The following KCP variants were observed in gnomAD, a reference collection of about 807,000 sequenced individuals.
KCP encodes the protein kielin cysteine rich BMP regulator.
Under a neutral mutation model 212.7 loss-of-function variants are expected in KCP, and 194 were observed. The observed-to-expected ratio is 0.91, with a 90% confidence interval of 0.81 to 1.03. KCP has a LOEUF of 1.03. Among genes scored for constraint, KCP ranks in the 50% least tolerant of loss-of-function variants. KCP has a pLI of 0.00. For synonymous variants in KCP, 833 were observed against 865.3 expected (o/e 0.96, Z 0.65); for missense variants, 2,080 against 2,162.5 (o/e 0.96, Z 0.76).
chr7:128,880,880 C>G (rs1233308694), intron 32 of KCP, 117 bp downstream of exon 32: 2 of 400,002 alleles, frequency 5.0e-6, no homozygotes, highest in Non-Finnish European at 8.8e-6. Flanking sequence ...GCTCCATGCC[C>G]CGGTGCAGGG....
In KCP at chr7:128,890,340, C is replaced by T. The variant is rs1176786369; in HGVS notation, c.2335+3G>A. 6 of 1,551,420 alleles carry T rather than the reference C, an allele frequency of 3.9e-6. No individual in the cohort carries two copies. The African/African-American group carries it at 5.5e-5, about 14-fold the overall frequency. On this transcript the variant is annotated splice_donor_region_variant and intron_variant, in intron 21 of 39. Coordinates refer to ENST00000610776, the MANE Select transcript of KCP (RefSeq NM_001366122.1). ...CGGCAGCTCCCTATCCCATGACCCT[C>T]ACCATCACAGTCAGGGCAGCAGTCG...
intron 8 of KCP, among the ~76,000 whole-genome samples, chr7:128,900,437 T>C (rs1477421888): frequency 1.3e-5 from 2 of 152,104 alleles, no homozygotes; most frequent in Non-Finnish European, 2.9e-5. Flanking sequence ...AAATCTGGAG[T>C]CAATATTCTA....
intron 27 of KCP, 24 bp downstream of exon 27, chr7:128,885,073 C>G (rs1185867025): frequency 6.5e-7 from 1 of 1,550,368 alleles, no homozygotes; most frequent in Non-Finnish European, 8.7e-7. Context: ...TCGCCTTTCC[C>G]CTCCCGCCCC....
chr7:128,892,662 G>A (rs1222170970), intron 15 of KCP, 26 bp downstream of exon 15: 1 of 1,551,092 alleles, frequency 6.4e-7, no homozygotes, highest in South Asian at 1.2e-5. Context: ...GGGCTCAGCA[G>A]GGCAGCAGCA....
Position 128,882,008 on chromosome 7 carries a change from T to C in KCP, c.3253A>G (p.Ser1085Gly). The stretch of plus-strand genomic sequence containing the variant: ...CCCAGCAGGCCCTCTGAACAGTTAC[T>C]CAAGGCCTCTGTGAAGACAAGAATC... ...HCCPTCAEAL[S>G]NCSEGLLGSE... The change falls in exon 30 of 40, where the codon AGT becomes GGT. Residue 1085 changes from serine to glycine, a missense_variant. Coordinates refer to ENST00000610776, the MANE Select transcript of KCP (RefSeq NM_001366122.1). 1 of 1,551,004 alleles carries C rather than the reference T, an allele frequency of 6.4e-7. No individual in the cohort carries two copies. The highest frequency in any genetic ancestry group is 8.7e-7 in the Non-Finnish European group (1 of 1,146,828).
rs567990289 is a variant in KCP, at chr7:128,892,123, G to A, written c.1622-304C>T. On this transcript the variant is annotated intron_variant, in intron 16 of 39. Coordinates refer to ENST00000610776, the MANE Select transcript of KCP (RefSeq NM_001366122.1). Reference sequence around the variant, plus strand: ...TCACACAGACTCTCTATGCGGGCAGGGACGTGTCCCATGCATCCCAGCACC... The same window carrying A: ...TCACACAGACTCTCTATGCGGGCAGAGACGTGTCCCATGCATCCCAGCACC... Among the ~76,000 whole-genome samples, 350 of 152,220 alleles carry A rather than the reference G, an allele frequency of 2.3e-3. 4 individuals are homozygous for A. Among genetic ancestry groups the A allele is most frequent in the Non-Finnish European group, 5.1e-4 (35 of 67,982 alleles).
Position 128,902,785 on chromosome 7 carries a change from G to T in KCP, c.823C>A (p.Arg275=), listed in dbSNP as rs75750404. ...GCAGCCTCAGGACTCACCAGGCACC[G>T]GCAGATTCGGCAGGGGTCCCCAGGT... ...TTPGDPCRIC[R]CLEGHIQCRQ... The change falls in exon 8 of 40, where the codon CGG becomes AGG. Residue 275 remains arginine (R), a synonymous_variant. Coordinates refer to ENST00000610776, the MANE Select transcript of KCP (RefSeq NM_001366122.1). 3 of 1,551,366 alleles carry T rather than the reference G, an allele frequency of 1.9e-6. No individual in the cohort carries two copies. The highest frequency in any genetic ancestry group is 2.7e-5 in the African/African-American group (2 of 73,036).
In KCP at chr7:128,884,831, C is replaced by G; in HGVS notation, c.3073G>C (p.Gly1025Arg). ...CEHEGRKYEP[G>R]ESFQPGADPC... ...TCTGCCCCAGGCTGGAAGCTCTCCC[C>G]AGGCTCGTACTTCCGGCCCTCATGC... is the stretch of plus-strand genomic sequence containing the variant. The change falls in exon 28 of 40, where the codon GGG (glycine) becomes CGG (arginine). Residue 1025 changes from glycine to arginine, a missense_variant. Transcript: ENST00000610776. 6.4e-7 allele frequency: 1 copy of G among 1,551,060 alleles called. No homozygotes were observed. The highest frequency in any genetic ancestry group is 8.7e-7 in the Non-Finnish European group (1 of 1,146,984).
At chr7:128,910,300 TC>T (rs1418145509) in intron 1 of KCP, among the ~76,000 whole-genome samples, 2 of 151,810 alleles carry the variant, frequency 1.3e-5, no homozygotes, top group African/African-American at 2.4e-5. Flanking sequence ...GCCCCTTTTC[TC>T]CCCCTCCTTC....
chr7:128,909,861 A>G (rs1795338068), intron 1 of KCP, among the ~76,000 whole-genome samples: 2 of 152,076 alleles, frequency 1.3e-5, no homozygotes, highest in African/African-American at 2.4e-5. Flanking sequence ...CCGTCCCTCT[A>G]CTGGGGATCC....
Position 128,891,220 on chromosome 7 carries a change from A to G in KCP, c.1937T>C (p.Val646Ala), listed in dbSNP as rs1164946710. The G allele has an allele frequency of 6.5e-7, 1 of 1,545,748 alleles. No individual in the cohort carries two copies. Among genetic ancestry groups the G allele is most frequent in the Non-Finnish European group, 8.7e-7 (1 of 1,146,600 alleles). The change falls in exon 19 of 40, where the codon GTC becomes GCC. Residue 646 changes from valine to alanine, a missense_variant. Physicochemically the swap from Val to Ala is moderately conservative, Grantham distance 64. Transcript: ENST00000610776. Reference protein sequence around the residue: ...RCVPLPCPEPVLLPGECCPQC... With the variant: ...RCVPLPCPEPALLPGECCPQC... The stretch of plus-strand genomic sequence containing the variant: ...CGGGCAGCACTCTCCCGGCAGCAGG[A>G]CAGGCTCTGGACAGGGCAGCGGCAC...
rs1793136297 is a variant in KCP, at chr7:128,878,674, A to G, written c.4195T>C (p.Tyr1399His). The G allele has an allele frequency of 3.2e-6, 5 of 1,551,004 alleles. No homozygotes were observed. Among genetic ancestry groups the G allele is most frequent in the Non-Finnish European group, 4.4e-6 (5 of 1,146,978 alleles). Residue 1399 changes from tyrosine to histidine, a missense_variant, in exon 38 of 40, where the codon TAC becomes CAC. By Grantham distance (83) the Tyr-to-His change is moderately conservative. Transcript: ENST00000610776. ...SQVEVSVPGS[Y>H]QGRTCGLCGN... ...CAGAGCCCACAAGTCCGGCCCTGGT[A>G]GGAGCCAGGTACGCTCACCTCCACC...
chr7:128,890,233 T>A (rs771523914), intron 21 of KCP, 110 bp downstream of exon 21: 10 of 1,535,128 alleles, frequency 6.5e-6, no homozygotes, highest in Middle Eastern at 1.7e-4. Context: ...GGGCTTTTTC[T>A]TACTGTAATA....
Position 128,907,331 on chromosome 7 carries a change from G to A in KCP, c.342C>T (p.Cys114=). ...PEGARWEPDA[C]TACVCQDGAA... The stretch of plus-strand genomic sequence containing the variant: ...CCCCATCCTGGCAGACGCAGGCTGT[G>A]CAGGCGTCAGGCTCCCAGCGTGCCC... Residue 114 remains cysteine (C), a synonymous_variant, in exon 3 of 40, where the codon TGC becomes TGT. Transcript: ENST00000610776. 1 of 1,543,192 alleles carries A rather than the reference G, an allele frequency of 6.5e-7. No homozygotes were observed. Among genetic ancestry groups the A allele is most frequent in the Non-Finnish European group, 8.8e-7 (1 of 1,140,854 alleles).
In KCP at chr7:128,879,785, CA is replaced by C. The variant is rs1563018639; in HGVS notation, c.3976del (p.Trp1326GlyfsTer48). 9.0e-6 allele frequency: 14 copies of C among 1,550,774 alleles called. No individual in the cohort carries two copies. The highest frequency in any genetic ancestry group is 1.2e-5 in the Non-Finnish European group (14 of 1,146,996). ...NDDRGRSGVA[W>X]TQEVAVLLGD... ...CAGCAGCACCGCCACCTCCTGGGTC[CA>C]GGCCACACCGCTCCGGCCCCGGTCA... On this transcript the variant is annotated frameshift_variant, in exon 36 of 40. Coordinates refer to ENST00000610776, the MANE Select transcript of KCP (RefSeq NM_001366122.1). LOFTEE classifies it high-confidence loss of function.
intron 30 of KCP, 23 bp downstream of exon 30, chr7:128,881,914 G>A (rs2128944699): frequency 6.5e-7 from 1 of 1,547,866 alleles, no homozygotes; most frequent in Non-Finnish European, 8.7e-7. Context: ...GGCTCTGTGA[G>A]TCCCCAAGGC....
At chr7:128,902,432 G>T (rs977874020) in intron 8 of KCP, among the ~76,000 whole-genome samples, 1 of 152,186 alleles carries the variant, frequency 6.6e-6, no homozygotes. Context: ...GGTAGTAGTG[G>T]CTGTGAATTG....
chr7:128,894,182 C>T lies in KCP; in HGVS notation c.925+18G>A, dbSNP rs1195155200. On this transcript the variant is annotated intron_variant, in intron 9 of 39. Coordinates refer to ENST00000610776, the MANE Select transcript of KCP (RefSeq NM_001366122.1). ...GTTGCCCACCATGGTCAGGCCTCTGCCCTACCCACTGACTCACCATCACAC... is the reference window on the plus strand; with the variant it reads ...GTTGCCCACCATGGTCAGGCCTCTGTCCTACCCACTGACTCACCATCACAC... The T allele has an allele frequency of 2.0e-5, 31 of 1,515,864 alleles. No homozygotes were observed. In the Admixed American group the frequency reaches 6.3e-4, roughly 31 times the overall value. 93.9% of individuals were successfully genotyped at this position (1,515,864 alleles called of 1,614,324 possible).
chr7:128,910,631 C>G lies in KCP; in HGVS notation c.46G>C (p.Gly16Arg), dbSNP rs1406695463. ...GCGCCCGCGGCCAGCGCCAGGGCCC[C>G]GAGGTGCAGGAGAAGGGACAGCGCA... Reference protein sequence around the residue: ...AAALSLLLHLGALALAAGAEG... With the variant: ...AAALSLLLHLRALALAAGAEG... Residue 16 changes from glycine to arginine, a missense_variant, in exon 1 of 40, where the codon GGG becomes CGG. Transcript: ENST00000610776. 2 of 1,517,840 alleles carry G rather than the reference C, an allele frequency of 1.3e-6. No homozygotes were observed. The highest frequency in any genetic ancestry group is 8.8e-7 in the Non-Finnish European group (1 of 1,139,940). 94.0% of individuals were successfully genotyped at this position (1,517,840 alleles called of 1,614,324 possible). A position where few individuals can be genotyped will look rare whatever the true frequency, so the allele number is the denominator to read the frequency against.
Sources: gnomAD v4.1 joint callset for allele counts (sites outside exome capture counted in the v4.1 genomes callset) on GRCh38, gnomAD v4.1.1 for gene constraint, MANE v1.5 for transcripts, NCBI Gene and HGNC (gene_info 2026-07-23, HGNC 2026-07-21) for gene names.